The following FAM185A variants were observed in gnomAD, a reference collection of about 807,000 sequenced individuals.
FAM185A encodes the protein protein FAM185A.
A neutral mutation model predicts 45.7 loss-of-function variants in FAM185A; 21 were observed. The ratio of observed to expected loss-of-function variants is 0.46; its 90% CI spans 0.33 to 0.66. The LOEUF (loss-of-function observed/expected upper bound fraction) is 0.66, where lower values mean the gene tolerates loss of function less well. Among genes scored for constraint, FAM185A ranks in the 30% least tolerant of loss-of-function variants. The pLI is 0.03. For missense variants in FAM185A, 305 were observed against 485.4 expected, an observed-to-expected ratio of 0.63 and a Z score of 3.49; for synonymous variants, 117 against 194.0, an observed-to-expected ratio of 0.60 and a Z score of 3.30.
the FAM185A span, chr7:102,816,272 C>G: frequency 2.6e-5 from 4 of 152,200 alleles, no homozygotes; most frequent in African/African-American, 9.7e-5. Flanking sequence ...CTTCCTCCAC[C>G]TGGTATGTCT....
At chr7:102,791,022 C>T (rs1796110140) in intron 7 of FAM185A, among the ~76,000 whole-genome samples, 1 of 152,060 alleles carries the variant, frequency 6.6e-6, no homozygotes, top group Non-Finnish European at 1.5e-5. Context: ...AACGTATGTA[C>T]ATTGTACTGT....
chr7:102,829,413 C>A, the FAM185A span, among the ~76,000 whole-genome samples: 2 of 152,322 alleles, frequency 1.3e-5, no homozygotes, highest in South Asian at 2.1e-4. Flanking sequence ...GGCCTGCTTT[C>A]GCTTACCTTA....
chr7:102,808,027 C>CTCCA (rs1394648718), intron 7 of FAM185A, among the ~76,000 whole-genome samples: 1 of 151,954 alleles, frequency 6.6e-6, no homozygotes, highest in Non-Finnish European at 1.5e-5. Flanking sequence ...TGCCACTGTA[C>CTCCA]TCCAGCCTGG....
chr7:102,784,158 C>A (rs926957046), intron 6 of FAM185A, among the ~76,000 whole-genome samples: 1 of 151,442 alleles, frequency 6.6e-6, no homozygotes, highest in Admixed American at 6.6e-5. Flanking sequence ...TCTGAATAGA[C>A]CAATAACAGG....
chr7:102,790,326 T>C (rs1305045069), intron 7 of FAM185A, among the ~76,000 whole-genome samples: 1 of 152,186 alleles, frequency 6.6e-6, no homozygotes, highest in African/African-American at 2.4e-5. Context: ...ATAGGAGTTT[T>C]TTACCTCTAT....
chr7:102,759,081 C>T (rs1315895795), intron 3 of FAM185A, among the ~76,000 whole-genome samples: 1 of 152,000 alleles, frequency 6.6e-6, no homozygotes, highest in Non-Finnish European at 1.5e-5. Flanking sequence ...TGGCCTTATG[C>T]TGCAGCTTTT....
the FAM185A span, among the ~76,000 whole-genome samples, chr7:102,839,101 C>T: frequency 1.1e-4 from 16 of 152,324 alleles, no homozygotes; most frequent in Admixed American, 5.2e-4. Context: ...TGGCGGGAGA[C>T]GAGACATGTT....
the FAM185A span, chr7:102,822,389 T>C: frequency 3.0e-5 from 21 of 699,696 alleles, 1 homozygote; most frequent in South Asian, 4.5e-5. Flanking sequence ...GTACCTGCAA[T>C]TGGTGTCTTG....
At chr7:102,807,192 C>T (rs1200033135) in intron 7 of FAM185A, among the ~76,000 whole-genome samples, 2 of 149,874 alleles carry the variant, frequency 1.3e-5, no homozygotes, top group African/African-American at 4.9e-5. Context: ...GGGTGGGGGT[C>T]GGAGGGTGAC....
chr7:102,776,753 A>T (rs1438369115), intron 5 of FAM185A, among the ~76,000 whole-genome samples: 1 of 151,204 alleles, frequency 6.6e-6, no homozygotes, highest in Non-Finnish European at 1.5e-5. Flanking sequence ...TATGTAGAGT[A>T]ATCTTTTACT....
At chr7:102,834,150 C>CAAGAG in the FAM185A span, among the ~76,000 whole-genome samples, 28,753 of 111,730 alleles carry the variant, frequency 0.26, 6,231 homozygotes, top group African/African-American at 0.53. Flanking sequence ...AAAGAGAAGA[C>CAAGAG]AAGAGAAAAG....
At chr7:102,769,684 C>T (rs936890740) in intron 4 of FAM185A, among the ~76,000 whole-genome samples, 12 of 152,040 alleles carry the variant, frequency 7.9e-5, no homozygotes, top group Non-Finnish European at 1.6e-4. Context: ...ATTTATAAAG[C>T]TTATATATTA....
intron 3 of FAM185A, among the ~76,000 whole-genome samples, chr7:102,758,426 G>GATTTT: frequency 1.0e-5 from 1 of 95,894 alleles, no homozygotes; most frequent in South Asian, 3.4e-4. Flanking sequence ...TGCTCTCACA[G>GATTTT]CTTTTTTTTT....
chr7:102,809,688 T>G (rs998102271), downstream of FAM185A, among the ~76,000 whole-genome samples: 12 of 151,936 alleles, frequency 7.9e-5, no homozygotes, highest in Non-Finnish European at 2.9e-5. Context: ...GACAACAGAG[T>G]GAAACTCCGT....
the FAM185A span, among the ~76,000 whole-genome samples, chr7:102,820,929 C>T: frequency 1.3e-5 from 2 of 152,198 alleles, no homozygotes; most frequent in African/African-American, 4.8e-5. Context: ...TAGCATCACA[C>T]CATGATTAGG....
intron 2 of FAM185A, among the ~76,000 whole-genome samples, chr7:102,757,525 T>A (rs1793829226): frequency 6.6e-6 from 1 of 152,224 alleles, no homozygotes; most frequent in South Asian, 2.1e-4. Context: ...AGTAACTGAT[T>A]ATTATTGTCA....
chr7:102,758,459 TATAGTAGCTATTGGGA>T (rs1562845531), intron 3 of FAM185A, among the ~76,000 whole-genome samples: 86 of 107,184 alleles, frequency 8.0e-4, no homozygotes, highest in African/African-American at 1.8e-3. Context: ...TTTTTTTTTT[TATAGTAGCTATTGGGA>T]TTTTTGTTGT....
intron 7 of FAM185A, among the ~76,000 whole-genome samples, chr7:102,792,270 C>T (rs971079474): frequency 2.7e-5 from 4 of 150,422 alleles, no homozygotes; most frequent in Non-Finnish European, 4.4e-5. Context: ...ATGATTTACA[C>T]GTATTATGTG....
At chr7:102,834,473 A>ATATATATATATATGTG in the FAM185A span, 28 of 141,544 alleles carry the variant, frequency 2.0e-4, 1 homozygote, top group East Asian at 4.9e-3. Flanking sequence ...ATATATATAT[A>ATATATATATATATGTG]TGTGATGTGG....
Sources: allele counts gnomAD v4.1 joint callset (sites outside exome capture counted in the v4.1 genomes callset), GRCh38; gene constraint gnomAD v4.1.1; transcripts MANE v1.5; gene names NCBI Gene and HGNC (gene_info 2026-07-23, HGNC 2026-07-21).